The following TBL1XR1 variants were observed in gnomAD, a reference collection of about 807,000 sequenced individuals.
The protein encoded by TBL1XR1 is F-box-like/WD repeat-containing protein TBL1XR1.
In TBL1XR1, 5 loss-of-function variants were observed where a neutral mutation model predicts 66.9. The ratio of observed to expected loss-of-function variants is 0.07; its 90% CI spans 0.04 to 0.16. TBL1XR1 has a LOEUF of 0.16. TBL1XR1 is among the 10% of genes least tolerant of loss of function. The pLI is 1.00. For missense variants in TBL1XR1, 238 were observed against 623.2 expected (o/e 0.38, Z 6.58); for synonymous variants, 210 against 206.0 (o/e 1.02, Z -0.17).
At chr3:177,063,075 C>T (rs926358659) in intron 3 of TBL1XR1, among the ~76,000 whole-genome samples, 2 of 152,012 alleles carry the variant, frequency 1.3e-5, no homozygotes, top group African/African-American at 4.8e-5. Flanking sequence ...GAGATCACGC[C>T]ACTGCACTCC....
intron 1 of TBL1XR1, among the ~76,000 whole-genome samples, chr3:177,166,783 T>C (rs911039786): frequency 1.3e-5 from 2 of 152,140 alleles, no homozygotes; most frequent in Non-Finnish European, 2.9e-5. Context: ...ATTGCAAATT[T>C]AAACAATAAT....
chr3:177,145,571 G>A lies in TBL1XR1; in HGVS notation c.-121-47030C>T, dbSNP rs556373783. On this transcript the variant is annotated intron_variant, in intron 1 of 15. Transcript: ENST00000457928. ...TCACAAGTACTGTGATTTCCCTCTT[G>A]GCTTTCCACAAAGATCAACAGCCCC... 4.1e-4 allele frequency among the ~76,000 whole-genome samples: 63 copies of A among 152,162 alleles called. No homozygotes were observed. In the Middle Eastern group the frequency reaches 0.02, roughly 49 times the overall value.
rs73881950 is a variant in TBL1XR1, at chr3:177,049,863, C to T, written c.702+134G>A. The stretch of plus-strand genomic sequence containing the variant: ...AGTGGGGGAGAGGGCTGGCAGGGGA[C>T]GACTCCCGGTTTGTTGTTACTAGTT... On this transcript the variant is annotated intron_variant, in intron 7 of 15. Transcript: ENST00000457928. 0.1 allele frequency: 99,147 copies of T among 952,530 alleles called. 5,641 individuals carry two copies. The highest frequency in any genetic ancestry group is 0.14 in the Middle Eastern group (440 of 3,198). 59.0% of individuals were successfully genotyped at this position (952,530 alleles called of 1,614,324 possible).
At chr3:177,093,790 A>G (rs1282906398) in intron 2 of TBL1XR1, among the ~76,000 whole-genome samples, 1 of 152,210 alleles carries the variant, frequency 6.6e-6, no homozygotes, top group African/African-American at 2.4e-5. Flanking sequence ...AGGAAACTGT[A>G]TCCTCATCTC....
At chr3:177,112,637 C>T (rs973693021) in intron 1 of TBL1XR1, among the ~76,000 whole-genome samples, 9 of 152,014 alleles carry the variant, frequency 5.9e-5, no homozygotes, top group African/African-American at 2.2e-4. Flanking sequence ...GTTTTAAAAA[C>T]AAGTAATTAG....
At chr3:177,093,804 C>T (rs878939089) in intron 2 of TBL1XR1, among the ~76,000 whole-genome samples, 1 of 152,148 alleles carries the variant, frequency 6.6e-6, no homozygotes. Flanking sequence ...TCATCTCTCA[C>T]CTTATACAAA....
chr3:177,058,994 A>G (rs921268109), intron 3 of TBL1XR1, among the ~76,000 whole-genome samples: 4 of 152,240 alleles, frequency 2.6e-5, no homozygotes, highest in African/African-American at 9.6e-5. Flanking sequence ...TTAGTCATGG[A>G]TACAACCATG....
At chr3:177,139,994 A>C (rs922849854) in intron 1 of TBL1XR1, among the ~76,000 whole-genome samples, 1 of 152,182 alleles carries the variant, frequency 6.6e-6, no homozygotes, top group Non-Finnish European at 1.5e-5. Flanking sequence ...GTGTCCACCA[A>C]GTTCTACAAG....
chr3:177,039,308 C>A (rs1320328286), intron 10 of TBL1XR1, among the ~76,000 whole-genome samples: 2 of 152,104 alleles, frequency 1.3e-5, no homozygotes, highest in East Asian at 3.9e-4. Context: ...ATGGTGAAGA[C>A]CAGGTGAGAT....
intron 1 of TBL1XR1, among the ~76,000 whole-genome samples, chr3:177,185,726 T>TTG (rs1735327187): frequency 6.6e-6 from 1 of 151,734 alleles, no homozygotes; most frequent in African/African-American, 2.4e-5. Context: ...AAAAGAAGCA[T>TTG]TGGCTGGGCA....
chr3:177,154,690 C>T (rs1731289165), intron 1 of TBL1XR1, among the ~76,000 whole-genome samples: 1 of 152,038 alleles, frequency 6.6e-6, no homozygotes, highest in Admixed American at 6.6e-5. Flanking sequence ...CCACCGCGCC[C>T]GGCCGACAGA....
At chr3:177,091,199 G>C (rs1337917858) in intron 2 of TBL1XR1, 2 of 151,726 alleles carry the variant, frequency 1.3e-5, no homozygotes, top group Non-Finnish European at 2.9e-5. Flanking sequence ...TGGACAAAAA[G>C]AGAAAAATGA....
At chr3:177,070,147 A>G (rs74283572) in intron 2 of TBL1XR1, among the ~76,000 whole-genome samples, 1 of 142,928 alleles carries the variant, frequency 7.0e-6, no homozygotes. Context: ...GTAAACTAGC[A>G]TCCATTATAT....
chr3:177,050,366 A>T, intron 6 of TBL1XR1, 112 bp downstream of exon 6: 1 of 1,378,198 alleles, frequency 7.3e-7, no homozygotes, highest in African/African-American at 1.5e-5. Flanking sequence ...AAATTTACAG[A>T]GACAAAATGG....
chr3:177,116,146 T>A (rs192441407), intron 1 of TBL1XR1, among the ~76,000 whole-genome samples: 5 of 152,322 alleles, frequency 3.3e-5, no homozygotes, highest in Admixed American at 2.6e-4. Context: ...TCTCACAATT[T>A]GTTTAAAATG....
chr3:177,133,795 G>C (rs568145504), intron 1 of TBL1XR1, among the ~76,000 whole-genome samples: 1 of 148,532 alleles, frequency 6.7e-6, no homozygotes, highest in Admixed American at 7.0e-5. Context: ...CCAGCCACTC[G>C]GGAGGGTGAA....
chr3:177,169,730 AAC>A (rs1389803320), intron 1 of TBL1XR1, among the ~76,000 whole-genome samples: 2 of 152,226 alleles, frequency 1.3e-5, no homozygotes, highest in African/African-American at 4.8e-5. Flanking sequence ...CACTGGTCAA[AAC>A]AGTCAGCAGC....
rs1712923352 is a variant in TBL1XR1 at position 177,025,127 on chromosome 3, T to C, written c.*371A>G. ...GGGAAAAAAAGAATATAATCCATGGTGTCTGCTGATTCAAAGGGGAGAAAC... is the reference window on the plus strand; with the variant it reads ...GGGAAAAAAAGAATATAATCCATGGCGTCTGCTGATTCAAAGGGGAGAAAC... On this transcript the variant is annotated 3_prime_UTR_variant, in exon 16 of 16. Coordinates refer to ENST00000457928, the MANE Select transcript of TBL1XR1 (RefSeq NM_024665.7). 9.5e-6 allele frequency: 2 copies of C among 211,028 alleles called. No homozygotes were observed. Among genetic ancestry groups the C allele is most frequent in the African/African-American group, 2.3e-5 (1 of 43,514 alleles). 13.1% of individuals were successfully genotyped at this position (211,028 alleles called of 1,614,324 possible).
chr3:177,046,747 A>G (rs1188887655), intron 9 of TBL1XR1, among the ~76,000 whole-genome samples: 2 of 147,346 alleles, frequency 1.4e-5, no homozygotes, highest in Non-Finnish European at 2.9e-5. Context: ...TGAATTTTAT[A>G]AAGAGTGAAC....
Sources: gnomAD v4.1 joint callset for allele counts (sites outside exome capture counted in the v4.1 genomes callset) on GRCh38, gnomAD v4.1.1 for gene constraint, MANE v1.5 for transcripts, NCBI Gene and HGNC (gene_info 2026-07-23, HGNC 2026-07-21) for gene names.